Variants in CYP39A1 observed in about 807,000 individuals in gnomAD.
CYP39A1 encodes the protein cytochrome P450 family 39 subfamily A member 1, also known as 24-hydroxycholesterol 7-alpha-hydroxylase.
Under a neutral mutation model 58.1 loss-of-function variants are expected in CYP39A1, and 49 were observed. That is an observed-to-expected ratio of 0.84 (90% CI 0.67 to 1.07). CYP39A1 has a LOEUF of 1.07. Ranked by LOEUF, CYP39A1 falls within the 50% of genes least tolerant of loss-of-function variation. The pLI, the probability that CYP39A1 is intolerant of heterozygous loss-of-function variation, is 0.00. For synonymous variants in CYP39A1, 209 were observed against 187.6 expected (o/e 1.11, Z -0.93); for missense variants, 531 against 539.4 (o/e 0.98, Z 0.16).
At chr6:46,555,553 T>A (rs1770630877) in intron 10 of CYP39A1, among the ~76,000 whole-genome samples, 1 of 152,260 alleles carries the variant, frequency 6.6e-6, no homozygotes. Flanking sequence ...TGTATTTCTG[T>A]GGCACTTTAC....
At chr6:46,646,599 T>C (rs1451427937) in intron 1 of CYP39A1, among the ~76,000 whole-genome samples, 1 of 152,134 alleles carries the variant, frequency 6.6e-6, no homozygotes. Context: ...GAAATGTTCC[T>C]TTGTCTTCTA....
intron 7 of CYP39A1, among the ~76,000 whole-genome samples, chr6:46,614,450 T>G (rs1184956680): frequency 6.6e-6 from 1 of 152,230 alleles, no homozygotes; most frequent in South Asian, 2.1e-4. Context: ...AGTTCTCTTT[T>G]CACCTGACTT....
At position 46,630,986 on chromosome 6, in the gene CYP39A1, C is replaced by G. The variant is rs973180390; in HGVS notation, c.817G>C (p.Ala273Pro). The change falls in exon 6 of 12, where the codon GCT becomes CCT. Residue 273 changes from alanine (A) to proline (P), a missense_variant. Coordinates refer to ENST00000275016, the MANE Select transcript of CYP39A1 (RefSeq NM_016593.5). ...SPNYGLLLLW[A>P]SLSNAVPVAF... The stretch of plus-strand genomic sequence containing the variant: ...ACAGGAACAGCATTAGACAGAGAAG[C>G]CCAAAGCAGTAAGAGCCCATAATTG... 6.2e-7 allele frequency: 1 copy of G among 1,613,688 alleles called. No individual in the cohort carries two copies. Among genetic ancestry groups the G allele is most frequent in the South Asian group, 1.1e-5 (1 of 91,066 alleles).
chr6:46,564,143 CT>C (rs1771146481), intron 10 of CYP39A1, among the ~76,000 whole-genome samples: 1 of 95,526 alleles, frequency 1.0e-5, no homozygotes, highest in African/African-American at 5.7e-5. Flanking sequence ...TTATTCTATT[CT>C]ATTTTATTCT....
At chr6:46,610,344 A>T (rs538511610) in intron 7 of CYP39A1, among the ~76,000 whole-genome samples, 3 of 152,070 alleles carry the variant, frequency 2.0e-5, no homozygotes, top group Non-Finnish European at 4.4e-5. Flanking sequence ...ACTAATTTAC[A>T]TTTCACGTAT....
chr6:46,579,929 C>T (rs1240514273), intron 10 of CYP39A1, among the ~76,000 whole-genome samples: 1 of 152,168 alleles, frequency 6.6e-6, no homozygotes, highest in Non-Finnish European at 1.5e-5. Flanking sequence ...GGTCATACTG[C>T]ACAAGGAATT....
At chr6:46,630,942 A>G (rs375432989) in intron 6 of CYP39A1, 21 bp downstream of exon 6, 197 of 1,547,480 alleles carry the variant, frequency 1.3e-4, no homozygotes, top group Non-Finnish European at 1.7e-4. Flanking sequence ...AACGTAACTC[A>G]TACTTTACTA....
chr6:46,633,614 T>G (rs144923016), intron 5 of CYP39A1, among the ~76,000 whole-genome samples: 5,615 of 152,230 alleles, frequency 0.037, 319 homozygotes, highest in African/African-American at 0.12. Flanking sequence ...ATCCCAGCAG[T>G]TCGGGAGGCC....
At chr6:46,618,318 C>T (rs928322606) in intron 7 of CYP39A1, among the ~76,000 whole-genome samples, 1 of 152,120 alleles carries the variant, frequency 6.6e-6, no homozygotes. Flanking sequence ...AGTGTCTCCA[C>T]CTGGATTTCA....
rs79995535 is a variant in CYP39A1 at position 46,619,462 on chromosome 6, T to C, written c.931+5956A>G. On this transcript the variant is annotated intron_variant, in intron 7 of 11. Transcript: ENST00000275016. The stretch of plus-strand genomic sequence containing the variant: ...ACAAATAAAAAATATTTTTAAAAGT[T>C]AGTGATTCTCTAACTTGTCTTACTT... Among the ~76,000 whole-genome samples the C allele has an allele frequency of 3.4e-4, 51 of 152,200 alleles. No homozygotes were observed. In the East Asian group the frequency reaches 9.1e-3, roughly 27 times the overall value.
intron 7 of CYP39A1, among the ~76,000 whole-genome samples, chr6:46,604,115 C>A (rs1411161092): frequency 6.6e-6 from 1 of 152,082 alleles, no homozygotes; most frequent in Non-Finnish European, 1.5e-5. Context: ...AGGAAAATGT[C>A]TTTGTTTAGA....
chr6:46,552,274 T>C (rs930235939), intron 11 of CYP39A1, among the ~76,000 whole-genome samples: 1 of 152,148 alleles, frequency 6.6e-6, no homozygotes, highest in Admixed American at 6.5e-5. Flanking sequence ...TTGATGTCCA[T>C]AAAGCCTGAC....
Position 46,641,610 on chromosome 6 carries a change from A to C in CYP39A1, c.313+553T>G, listed in dbSNP as rs541356910. Among the ~76,000 whole-genome samples, 51 of 152,312 alleles carry C rather than the reference A, an allele frequency of 3.3e-4. 1 individual carries two copies. Among genetic ancestry groups the C allele is most frequent in the African/African-American group, 1.2e-3 (50 of 41,578 alleles). Reference sequence around the variant, plus strand: ...TACACACAATTGCAGCCTAGGAAGAAATGAAGGCAGACAGCCATACTGGAA... The same window carrying C: ...TACACACAATTGCAGCCTAGGAAGACATGAAGGCAGACAGCCATACTGGAA... On this transcript the variant is annotated intron_variant, in intron 2 of 11. Coordinates refer to ENST00000275016, the MANE Select transcript of CYP39A1 (RefSeq NM_016593.5).
chr6:46,592,800 A>T (rs1772920701), intron 8 of CYP39A1, among the ~76,000 whole-genome samples: 1 of 152,146 alleles, frequency 6.6e-6, no homozygotes, highest in African/African-American at 2.4e-5. Flanking sequence ...TACTAAAAAT[A>T]CAAAAATCAA....
chr6:46,639,701 C>G (rs1476692029), intron 2 of CYP39A1, 33 bp from the exon 3 acceptor site: 1 of 1,562,580 alleles, frequency 6.4e-7, no homozygotes, highest in African/African-American at 1.4e-5. Context: ...TCAAAATAAG[C>G]AACAACTCCT....
chr6:46,627,993 T>C (rs1775424691), intron 6 of CYP39A1, among the ~76,000 whole-genome samples: 1 of 152,184 alleles, frequency 6.6e-6, no homozygotes, highest in Admixed American at 6.5e-5. Context: ...GCCACTCAGC[T>C]CACTGAACTG....
intron 10 of CYP39A1, among the ~76,000 whole-genome samples, chr6:46,585,827 C>A (rs1772443212): frequency 6.6e-6 from 1 of 152,128 alleles, no homozygotes; most frequent in Non-Finnish European, 1.5e-5. Context: ...TTCTGCTCTG[C>A]CATCTACAGA....
intron 10 of CYP39A1, among the ~76,000 whole-genome samples, chr6:46,581,883 A>T (rs1035799752): frequency 6.6e-6 from 1 of 152,182 alleles, no homozygotes; most frequent in Non-Finnish European, 1.5e-5. Context: ...ATCAAAATGA[A>T]ATGGCCAGGA....
intron 10 of CYP39A1, chr6:46,583,039 G>C (rs1333484427): frequency 1.0e-6 from 1 of 984,228 alleles, no homozygotes; most frequent in Non-Finnish European, 1.2e-6. Flanking sequence ...AGGAACTCAA[G>C]ACAAGCCCAT....
Sources: gnomAD v4.1 joint callset for allele counts (sites outside exome capture counted in the v4.1 genomes callset) on GRCh38, gnomAD v4.1.1 for gene constraint, MANE v1.5 for transcripts, NCBI Gene and HGNC (gene_info 2026-07-23, HGNC 2026-07-21) for gene names.